Variants in CAPN8 observed in about 807,000 individuals in gnomAD.
CAPN8 encodes the protein calpain 8.
Under a neutral mutation model 80.9 loss-of-function variants are expected in CAPN8, and 87 were observed. The ratio of observed to expected loss-of-function variants is 1.07; its 90% confidence interval spans 0.90 to 1.28. The LOEUF is 1.28. Among genes scored for constraint, CAPN8 ranks in the 50% most tolerant of loss-of-function variants. The pLI, the probability that CAPN8 is intolerant of heterozygous loss-of-function variation, is 0.00. For synonymous variants in CAPN8, 299 were observed against 273.8 expected (o/e 1.09, Z -0.91); for missense variants, 757 against 702.0 (o/e 1.08, Z -0.89).
At chr1:223,627,658 A>G (rs1221842743) in intron 4 of CAPN8, among the ~76,000 whole-genome samples, 2 of 152,214 alleles carry the variant, frequency 1.3e-5, no homozygotes, top group African/African-American at 2.4e-5. Flanking sequence ...TGAGTTTGGT[A>G]TCTAGTACAT....
intron 9 of CAPN8, chr1:223,618,187 G>T: frequency 6.5e-7 from 1 of 1,540,618 alleles, no homozygotes; most frequent in African/African-American, 1.4e-5. Flanking sequence ...GAGAGAGCAG[G>T]ATTTGCTTTT....
chr1:223,626,035 G>C (rs1057269406), intron 5 of CAPN8, 147 bp from the exon 6 acceptor site: 3 of 615,526 alleles, frequency 4.9e-6, no homozygotes, highest in East Asian at 2.8e-5. Flanking sequence ...CTCAGGTAAA[G>C]AGTCATCTCC....
intron 1 of CAPN8, among the ~76,000 whole-genome samples, chr1:223,656,792 T>C (rs1400200648): frequency 6.7e-6 from 1 of 148,492 alleles, no homozygotes; most frequent in African/African-American, 2.5e-5. Flanking sequence ...CACGCCCTTC[T>C]CCTGCCTCAG....
intron 12 of CAPN8, 44 bp downstream of exon 12, chr1:223,609,109 G>T (rs1184770273): frequency 1.3e-5 from 5 of 397,934 alleles, no homozygotes; most frequent in Admixed American, 8.8e-5. Context: ...CCCTTCGTGG[G>T]CCCACAGACA....
At chr1:223,554,066 G>A (rs1056610830) in intron 13 of CAPN8, among the ~76,000 whole-genome samples, 166 bp from the exon 14 acceptor site, 3 of 152,234 alleles carry the variant, frequency 2.0e-5, no homozygotes, top group Admixed American at 2.0e-4. Flanking sequence ...AGACAGCAAA[G>A]GTCCTGGCCC....
At chr1:223,557,006 C>T (rs1194056438) in intron 13 of CAPN8, among the ~76,000 whole-genome samples, 6 of 152,128 alleles carry the variant, frequency 3.9e-5, no homozygotes, top group East Asian at 3.9e-4. Context: ...GGGCCTCTGG[C>T]GCCAGGTATT....
At chr1:223,653,546 T>C (rs1195358028) in intron 2 of CAPN8, among the ~76,000 whole-genome samples, 1 of 152,138 alleles carries the variant, frequency 6.6e-6, no homozygotes, top group African/African-American at 2.4e-5. Flanking sequence ...TTTGTTTCTT[T>C]TTCACCTTCA....
At chr1:223,618,430 T>G (rs1037834527) in intron 9 of CAPN8, 5 of 1,111,326 alleles carry the variant, frequency 4.5e-6, no homozygotes, top group Middle Eastern at 2.9e-4. Context: ...ATGCCCTGTG[T>G]GTGGCCATCA....
chr1:223,620,146 G>T, intron 8 of CAPN8, 46 bp downstream of exon 8: 1 of 1,478,198 alleles, frequency 6.8e-7, no homozygotes, highest in Non-Finnish European at 9.3e-7. Flanking sequence ...AACTGAAAAT[G>T]GACCCATCAC....
chr1:223,661,153 G>T (rs1404743989), intron 1 of CAPN8, among the ~76,000 whole-genome samples: 1 of 145,138 alleles, frequency 6.9e-6, no homozygotes, highest in Non-Finnish European at 1.5e-5. Flanking sequence ...GCAACAGAGT[G>T]AGACCCTGTC....
intron 1 of CAPN8, among the ~76,000 whole-genome samples, chr1:223,656,784 C>T (rs972478821): frequency 1.1e-4 from 16 of 150,420 alleles, no homozygotes; most frequent in Non-Finnish European, 2.4e-4. Flanking sequence ...CCCGGGTTCA[C>T]GCCCTTCTCC....
Position 223,611,560 on chromosome 1 carries a change from C to A in CAPN8, c.1323+686G>T, listed in dbSNP as rs780191974. 1.3e-3 allele frequency among the ~76,000 whole-genome samples: 205 copies of A among 152,300 alleles called. 2 individuals are homozygous for A. Among genetic ancestry groups the A allele is most frequent in the Non-Finnish European group, 5.0e-4 (34 of 68,030 alleles). ...GCAAGGACCTCTGTTGCTGCTCTACCCTGCCACTTCAATAAAAGTTGCTAA... is the reference window on the plus strand; with the variant it reads ...GCAAGGACCTCTGTTGCTGCTCTACACTGCCACTTCAATAAAAGTTGCTAA... On this transcript the variant is annotated intron_variant, in intron 11 of 20. Coordinates refer to ENST00000366872, the MANE Select transcript of CAPN8 (RefSeq NM_001143962.2).
At chr1:223,651,115 C>A (rs565258496) in intron 2 of CAPN8, among the ~76,000 whole-genome samples, 1 of 152,094 alleles carries the variant, frequency 6.6e-6, no homozygotes, top group African/African-American at 2.4e-5. Flanking sequence ...CAGTAGGACA[C>A]TGAGTGTGGG....
intron 7 of CAPN8, chr1:223,622,555 C>G: frequency 1.9e-6 from 1 of 526,662 alleles, no homozygotes. Flanking sequence ...AACCTTTCAG[C>G]GCAAAGCAAA....
At chr1:223,651,627 C>T (rs79069899) in intron 2 of CAPN8, among the ~76,000 whole-genome samples, 3,320 of 152,214 alleles carry the variant, frequency 0.022, 109 homozygotes, top group African/African-American at 0.075. Flanking sequence ...GCCTAACACA[C>T]CCAATATGAA....
chr1:223,645,186 C>T (rs1001698609), intron 2 of CAPN8, among the ~76,000 whole-genome samples: 3 of 152,206 alleles, frequency 2.0e-5, no homozygotes, highest in South Asian at 2.1e-4. Flanking sequence ...AAGCATCCAG[C>T]GCAGAAGAAA....
chr1:223,614,922 C>A (rs1168040535), intron 10 of CAPN8, among the ~76,000 whole-genome samples: 1 of 152,218 alleles, frequency 6.6e-6, no homozygotes, highest in African/African-American at 2.4e-5. Context: ...TATTTATTTG[C>A]AATTCCTTTC....
At chr1:223,622,654 A>C (rs1007395938) in intron 7 of CAPN8, 161 bp downstream of exon 7, 30 of 623,346 alleles carry the variant, frequency 4.8e-5, no homozygotes, top group Non-Finnish European at 7.4e-5. Flanking sequence ...TGCTTTTCCC[A>C]GCCTGGATCC....
At chr1:223,639,804 A>C (rs1658001005) in intron 2 of CAPN8, among the ~76,000 whole-genome samples, 2 of 152,244 alleles carry the variant, frequency 1.3e-5, no homozygotes, top group South Asian at 4.1e-4. Context: ...CAAAGTGGCT[A>C]TTTAATGCCC....
Sources: gnomAD v4.1 joint callset for allele counts (sites outside exome capture counted in the v4.1 genomes callset) on GRCh38, gnomAD v4.1.1 for gene constraint, MANE v1.5 for transcripts, NCBI Gene and HGNC (gene_info 2026-07-23, HGNC 2026-07-21) for gene names.